CLOCK: variants seen among roughly 807,000 people sequenced by gnomAD.
The protein encoded by CLOCK is circadian locomoter output cycles protein kaput.
In CLOCK, 43 loss-of-function variants were observed where a neutral mutation model predicts 118.4. The ratio of observed to expected loss-of-function variants is 0.36; its 90% CI spans 0.28 to 0.47. CLOCK has a LOEUF of 0.47. Ranked by LOEUF, CLOCK falls within the 20% of genes least tolerant of loss-of-function variation. CLOCK has a pLI of 1.00. For synonymous variants in CLOCK, 326 were observed against 339.2 expected, an observed-to-expected ratio of 0.96 and a Z score of 0.43; for missense variants, 846 against 999.9, an observed-to-expected ratio of 0.85 and a Z score of 2.08.
intron 2 of CLOCK, among the ~76,000 whole-genome samples, chr4:55,500,839 T>C (rs1465716574): frequency 6.6e-6 from 1 of 152,158 alleles, no homozygotes; most frequent in Non-Finnish European, 1.5e-5. Context: ...CCAGTGTTTC[T>C]GTTTGTTTGT....
At chr4:55,511,581 G>C (rs768477031) in intron 1 of CLOCK, among the ~76,000 whole-genome samples, 1 of 152,084 alleles carries the variant, frequency 6.6e-6, no homozygotes, top group Non-Finnish European at 1.5e-5. Context: ...TTCCCCACCA[G>C]AGTGGTACAT....
intron 18 of CLOCK, 136 bp downstream of exon 18, chr4:55,448,643 T>TGA: frequency 1.7e-6 from 1 of 579,620 alleles, no homozygotes; most frequent in Non-Finnish European, 3.2e-6. Flanking sequence ...TGTGTGTGTG[T>TGA]GCTCCTACCT....
At chr4:55,515,605 A>G (rs4241996) in intron 1 of CLOCK, among the ~76,000 whole-genome samples, 145,811 of 152,242 alleles carry the variant, frequency 0.96, 69,893 homozygotes, top group East Asian at 1. Flanking sequence ...GGATGGTCTC[A>G]ATCTCCTGAC....
At chr4:55,512,384 T>C (rs1729216952) in intron 1 of CLOCK, among the ~76,000 whole-genome samples, 1 of 131,748 alleles carries the variant, frequency 7.6e-6, no homozygotes, top group Non-Finnish European at 1.7e-5. Context: ...TCTTCTTTGG[T>C]AAGGTTATCT....
In CLOCK at chr4:55,435,578, T is replaced by C. The variant is rs985781999; in HGVS notation, c.2378A>G (p.His793Arg). 4 of 1,613,812 alleles carry C rather than the reference T, an allele frequency of 2.5e-6. No homozygotes were observed. The African/African-American group carries it at 5.3e-5, about 22-fold the overall frequency. ...QQFLQTSRLLHGNPSTQLILS... is the reference protein window; with the variant it reads ...QQFLQTSRLLRGNPSTQLILS... ...AATGAGTTGAGTTGAGGGATTCCCA[T>C]GGAGCAACCTAGAAGTCTAAAAAAC... Residue 793 changes from histidine (H) to arginine (R), a missense_variant, in exon 23 of 23, where the codon CAT becomes CGT. Transcript: ENST00000513440.
rs973946863 is a variant in CLOCK, at chr4:55,435,270, C to T, written c.*145G>A. 9.3e-5 allele frequency: 89 copies of T among 957,404 alleles called. No individual in the cohort carries two copies. In the African/African-American group the frequency reaches 1.3e-3, roughly 14 times the overall value. The allele number at this position is 957,404 out of a possible 1,614,324, so 59.3% of individuals were successfully genotyped here. ...TCTGTAGCACTAGGCAGCATTTTCT[C>T]TGCCAACTAATTCCAGGAACTAGAA... is the stretch of plus-strand genomic sequence containing the variant. On this transcript the variant is annotated 3_prime_UTR_variant, in exon 23 of 23. Transcript: ENST00000513440.
In CLOCK at chr4:55,546,809, G is replaced by C. The variant is rs949018526; in HGVS notation, c.-317C>G. On this transcript the variant is annotated 5_prime_UTR_variant, in exon 1 of 23. The change creates a new upstream start codon in the 5' untranslated region. Coordinates refer to ENST00000513440, the MANE Select transcript of CLOCK (RefSeq NM_004898.4). Reference sequence around the variant, plus strand: ...GGAGCGCTCGCGGCGGCGGCGGCCAGATTTCCTTCGCGCTCTCGCTCTCCG... The same window carrying C: ...GGAGCGCTCGCGGCGGCGGCGGCCACATTTCCTTCGCGCTCTCGCTCTCCG... The C allele has an allele frequency of 6.6e-6, 1 of 152,268 alleles. No homozygotes were observed. Among genetic ancestry groups the C allele is most frequent in the African/African-American group, 2.4e-5 (1 of 41,424 alleles). The allele number at this position is 152,268 out of a possible 1,614,324, so 9.4% of individuals were successfully genotyped here.
chr4:55,435,780 A>T (rs1414283610), intron 22 of CLOCK, among the ~76,000 whole-genome samples, 186 bp from the exon 23 acceptor site: 1 of 152,178 alleles, frequency 6.6e-6, no homozygotes, highest in Non-Finnish European at 1.5e-5. Flanking sequence ...CCTCTTTCTG[A>T]AAGTATGAGA....
chr4:55,514,164 G>A (rs114075656), intron 1 of CLOCK, among the ~76,000 whole-genome samples: 4,239 of 152,044 alleles, frequency 0.028, 206 homozygotes, highest in African/African-American at 0.097. Context: ...GTGGTAAAAC[G>A]GGACATCCTT....
At chr4:55,458,289 T>A (rs1374849429) in intron 11 of CLOCK, among the ~76,000 whole-genome samples, 1 of 152,144 alleles carries the variant, frequency 6.6e-6, no homozygotes, top group Non-Finnish European at 1.5e-5. Context: ...CTCAAACTAC[T>A]GGGCTCAGGC....
chr4:55,528,413 T>TC (rs1042292348), intron 1 of CLOCK, among the ~76,000 whole-genome samples: 4 of 151,652 alleles, frequency 2.6e-5, no homozygotes, highest in South Asian at 2.1e-4. Flanking sequence ...ATTTCCTTCA[T>TC]CCCCCCCTCA....
At chr4:55,446,354 C>G (rs1723851019) in intron 18 of CLOCK, among the ~76,000 whole-genome samples, 1 of 152,040 alleles carries the variant, frequency 6.6e-6, no homozygotes, top group South Asian at 2.1e-4. Flanking sequence ...CCATGCCCAG[C>G]CTTATTTAAC....
At chr4:55,448,951 C>A in intron 17 of CLOCK, 83 bp from the exon 18 acceptor site, 2 of 1,066,796 alleles carry the variant, frequency 1.9e-6, no homozygotes, top group South Asian at 2.6e-5. Context: ...ATATGATATT[C>A]GTATTAATAA....
intron 1 of CLOCK, among the ~76,000 whole-genome samples, chr4:55,521,704 C>T (rs1029799894): frequency 5.3e-5 from 8 of 152,216 alleles, no homozygotes; most frequent in Non-Finnish European, 8.8e-5. Context: ...AAATTATTCA[C>T]TTTGCTTGAA....
rs551552262 is a variant in CLOCK, at chr4:55,491,866, G to C, written c.-135-2401C>G. Among the ~76,000 whole-genome samples, 7 of 152,156 alleles carry C rather than the reference G, an allele frequency of 4.6e-5. No homozygotes were observed. The South Asian group carries it at 6.2e-4, about 14-fold the overall frequency. On this transcript the variant is annotated intron_variant, in intron 2 of 22. Transcript: ENST00000513440. Reference sequence around the variant, plus strand: ...AAGTCAGAATGATAAAATAAAAAAAGAAAATCTGAGCAGACACATATAACT... The same window carrying C: ...AAGTCAGAATGATAAAATAAAAAAACAAAATCTGAGCAGACACATATAACT...
At chr4:55,490,414 T>C (rs1021671310) in intron 2 of CLOCK, among the ~76,000 whole-genome samples, 3 of 152,030 alleles carry the variant, frequency 2.0e-5, no homozygotes, top group Non-Finnish European at 4.4e-5. Flanking sequence ...GATACAATAG[T>C]AGCAGGAGAT....
chr4:55,495,043 T>C, intron 2 of CLOCK, among the ~76,000 whole-genome samples: 1 of 152,140 alleles, frequency 6.6e-6, no homozygotes, highest in Non-Finnish European at 1.5e-5. Flanking sequence ...ACACTTCCCT[T>C]TCAGTATTTA....
chr4:55,537,657 G>C (rs1056591324), intron 1 of CLOCK, among the ~76,000 whole-genome samples: 2 of 152,048 alleles, frequency 1.3e-5, no homozygotes, highest in African/African-American at 4.8e-5. Context: ...AGCCAGGCAT[G>C]GTGGCACATG....
At chr4:55,511,932 G>A (rs567234922) in intron 1 of CLOCK, among the ~76,000 whole-genome samples, 4 of 151,704 alleles carry the variant, frequency 2.6e-5, no homozygotes, top group Admixed American at 2.0e-4. Context: ...GTCTTTTCAC[G>A]GCTTGATAAT....
Sources: allele counts gnomAD v4.1 joint callset (sites outside exome capture counted in the v4.1 genomes callset), GRCh38; gene constraint gnomAD v4.1.1; transcripts MANE v1.5; gene names NCBI Gene and HGNC (gene_info 2026-07-23, HGNC 2026-07-21).